ZNF33B: variants seen among roughly 807,000 people sequenced by gnomAD.
ZNF33B encodes zinc finger protein 11b (KOX 2).
ZNF33B carries 29 observed loss-of-function variants against 45.8 expected under a neutral mutation model. The ratio of observed to expected loss-of-function variants is 0.63; its 90% confidence interval spans 0.47 to 0.86. ZNF33B has a LOEUF of 0.86. ZNF33B is among the 40% of genes least tolerant of loss of function. The probability of loss-of-function intolerance (pLI) is 0.00; values close to 1 mark genes in which losing one functional copy is unlikely to be tolerated. For synonymous variants in ZNF33B, 305 were observed against 307.8 expected (o/e 0.99, Z 0.10); for missense variants, 831 against 909.9 (o/e 0.91, Z 1.12).
intron 4 of ZNF33B, among the ~76,000 whole-genome samples, chr10:42,627,245 C>A (rs915298846): frequency 2.6e-5 from 4 of 152,302 alleles, no homozygotes; most frequent in African/African-American, 9.6e-5. Context: ...CTCAGGTGAT[C>A]CGCCTGCCTT....
chr10:42,616,865 T>A (rs942602745), intron 4 of ZNF33B, among the ~76,000 whole-genome samples: 3 of 151,868 alleles, frequency 2.0e-5, no homozygotes, highest in African/African-American at 7.3e-5. Flanking sequence ...CCGGCTAATT[T>A]TTTGTATTTT....
intron 4 of ZNF33B, among the ~76,000 whole-genome samples, chr10:42,626,302 C>T (rs1838803578): frequency 6.6e-6 from 1 of 152,142 alleles, no homozygotes; most frequent in South Asian, 2.1e-4. Flanking sequence ...ATTTTTGCTA[C>T]TAAATGTATG....
intron 4 of ZNF33B, among the ~76,000 whole-genome samples, chr10:42,612,228 A>C (rs1194091023): frequency 7.5e-6 from 1 of 133,874 alleles, no homozygotes; most frequent in Non-Finnish European, 1.6e-5. Context: ...AGGTTACAGA[A>C]GTTGATTTTT....
intron 4 of ZNF33B, among the ~76,000 whole-genome samples, chr10:42,617,092 CT>C (rs199977911): frequency 0.013 from 813 of 61,162 alleles, 16 homozygotes; most frequent in African/African-American, 0.037. Flanking sequence ...CATTTTTTCT[CT>C]TTTTTTTTTT....
chr10:42,582,574 T>C (rs1836847841), intron 1 of ZNF33B: 1 of 152,786 alleles, frequency 6.5e-6, no homozygotes, highest in Non-Finnish European at 1.5e-5. Flanking sequence ...GGCTTTAGGA[T>C]GCTAGCCAGT....
intron 4 of ZNF33B, among the ~76,000 whole-genome samples, chr10:42,612,232 G>T (rs1436730426): frequency 0.029 from 2,982 of 101,358 alleles, 69 homozygotes; most frequent in Admixed American, 0.13. Context: ...TACAGAAGTT[G>T]ATTTTTTTTT....
chr10:42,630,208 T>G (rs998023943), intron 4 of ZNF33B, among the ~76,000 whole-genome samples: 3 of 152,212 alleles, frequency 2.0e-5, no homozygotes, highest in Non-Finnish European at 4.4e-5. Flanking sequence ...TAATAATGCC[T>G]TTAGTTCCCC....
intron 4 of ZNF33B, among the ~76,000 whole-genome samples, chr10:42,622,976 G>C (rs1363347363): frequency 6.6e-6 from 1 of 152,084 alleles, no homozygotes; most frequent in Non-Finnish European, 1.5e-5. Context: ...ACAAAAGAAA[G>C]AGTAGGTACG....
intron 4 of ZNF33B, among the ~76,000 whole-genome samples, chr10:42,606,134 T>C (rs192745535): frequency 1.5e-3 from 193 of 132,502 alleles, no homozygotes; most frequent in South Asian, 6.1e-3. Flanking sequence ...AGGAAACAAA[T>C]AATAAAGCAA....
intron 4 of ZNF33B, among the ~76,000 whole-genome samples, chr10:42,620,582 A>AT (rs1332095402): frequency 6.7e-6 from 1 of 149,900 alleles, no homozygotes; most frequent in Non-Finnish European, 1.5e-5. Context: ...TTTTTTTTTA[A>AT]TTTTTTTTGT....
At chr10:42,615,712 T>A (rs1838282906) in intron 4 of ZNF33B, among the ~76,000 whole-genome samples, 1 of 152,052 alleles carries the variant, frequency 6.6e-6, no homozygotes, top group Admixed American at 6.6e-5. Context: ...TCACTTGAGG[T>A]CAGGAGTTCC....
chr10:42,576,142 T>G (rs1836746936), intron 1 of ZNF33B, among the ~76,000 whole-genome samples: 1 of 151,892 alleles, frequency 6.6e-6, no homozygotes, highest in South Asian at 2.1e-4. Flanking sequence ...CCGCCCGCCT[T>G]GGCCTCCCAA....
intron 4 of ZNF33B, 50 bp downstream of exon 4, chr10:42,631,879 G>A (rs1589073522): frequency 6.6e-7 from 1 of 1,521,840 alleles, no homozygotes; most frequent in East Asian, 2.2e-5. Context: ...TTAACTACTG[G>A]GAAACAACAA....
downstream of ZNF33B, among the ~76,000 whole-genome samples, chr10:42,588,389 T>C (rs942099702): frequency 6.6e-6 from 1 of 152,204 alleles, no homozygotes; most frequent in Non-Finnish European, 1.5e-5. Context: ...TTTGCCATAA[T>C]ATGGAACCTG....
chr10:42,625,035 A>T (rs937931287), intron 4 of ZNF33B, among the ~76,000 whole-genome samples: 2 of 66,388 alleles, frequency 3.0e-5, no homozygotes, highest in East Asian at 9.3e-4. Context: ...ATTGTTTCAT[A>T]TTTTATATAT....
intron 4 of ZNF33B, among the ~76,000 whole-genome samples, chr10:42,596,235 T>C (rs210278): frequency 0.31 from 46,692 of 151,668 alleles, 8,147 homozygotes; most frequent in East Asian, 0.45. Flanking sequence ...AAAAGAACCA[T>C]CATGAACCTG....
intron 4 of ZNF33B, among the ~76,000 whole-genome samples, chr10:42,627,494 G>C (rs1417067287): frequency 6.6e-6 from 1 of 152,044 alleles, no homozygotes; most frequent in Non-Finnish European, 1.5e-5. Context: ...TGTTTCATTA[G>C]TTTTCTCTAC....
Position 42,613,311 on chromosome 10 carries a change from C to T in ZNF33B, c.251-18612G>A, listed in dbSNP as rs770889182. ...CTTTAATCCCAGCACTTTGGGAGGCCGAGGTGGGTGGACTACCTAAAAGAT... is the reference window on the plus strand; with the variant it reads ...CTTTAATCCCAGCACTTTGGGAGGCTGAGGTGGGTGGACTACCTAAAAGAT... On this transcript the variant is annotated intron_variant, in intron 4 of 4. Transcript: ENST00000359467. Among the ~76,000 whole-genome samples the T allele has an allele frequency of 6.0e-4, 91 of 151,886 alleles. 1 individual carries two copies. Among genetic ancestry groups the T allele is most frequent in the Non-Finnish European group, 5.9e-4 (40 of 67,980 alleles).
At chr10:42,585,289 T>A (rs547688188), downstream of ZNF33B, among the ~76,000 whole-genome samples, 1 of 152,230 alleles carries the variant, frequency 6.6e-6, no homozygotes. Context: ...GTTTTTATAA[T>A]GAACACGACC....
Sources: allele counts gnomAD v4.1 joint callset (sites outside exome capture counted in the v4.1 genomes callset), GRCh38; gene constraint gnomAD v4.1.1; transcripts MANE v1.5; gene names NCBI Gene and HGNC (gene_info 2026-07-23, HGNC 2026-07-21).